The following ZFX variants were observed in gnomAD, a reference collection of about 807,000 sequenced individuals.
ZFX encodes zinc finger X-chromosomal protein.
For missense variants in ZFX, 362 were observed against 628.3 expected (o/e 0.58, Z 4.53); for synonymous variants, 196 against 226.8 (o/e 0.86, Z 1.22).
intron 5 of ZFX, among the ~76,000 whole-genome samples, chrX:24,194,106 T>C (rs1347130098): frequency 8.9e-6 from 1 of 111,859 alleles, no homozygotes; most frequent in Admixed American, 9.5e-5. Flanking sequence ...CCTAGCATGA[T>C]TTTTCAAGAT....
At chrX:24,189,127 G>A (rs1457056078) in intron 5 of ZFX, among the ~76,000 whole-genome samples, 12 of 112,153 alleles carry the variant, frequency 1.1e-4, no homozygotes, top group African/African-American at 3.9e-4. Flanking sequence ...GTGAGCCACC[G>A]CGCCTGGCCT....
chrX:24,179,485 G>A lies in ZFX; in HGVS notation c.361G>A (p.Asp121Asn). The A allele has an allele frequency of 8.2e-7, 1 of 1,212,235 alleles. No individual in the cohort carries two copies. The highest frequency in any genetic ancestry group is 1.1e-6 in the Non-Finnish European group (1 of 895,650). The change falls in exon 5 of 10, where the codon GAC becomes AAC. Residue 121 changes from aspartate to asparagine, a missense_variant. By Grantham distance (23) the Asp-to-Asn change is conservative. Coordinates refer to ENST00000304543, the MANE Select transcript of ZFX (RefSeq NM_003410.4). ...AGTCCCAGATGATGTTTTAGCTTCT[G>A]ACATTACTTCAGCCTCAATGTCTAT... ...CTVPDDVLASDITSASMSMPE... is the reference protein window; with the variant it reads ...CTVPDDVLASNITSASMSMPE...
intron 5 of ZFX, among the ~76,000 whole-genome samples, chrX:24,205,665 A>AG (rs1937544269): frequency 9.0e-6 from 1 of 110,795 alleles, no homozygotes; most frequent in Non-Finnish European, 1.9e-5. Flanking sequence ...GACCAGCCTG[A>AG]CCAACATGGC....
chrX:24,163,258 C>CTT (rs57785204), intron 3 of ZFX, among the ~76,000 whole-genome samples: 23 of 48,152 alleles, frequency 4.8e-4, no homozygotes, highest in Non-Finnish European at 7.7e-4. Context: ...CATGGATGTG[C>CTT]TTTTTTTTTT....
intron 5 of ZFX, among the ~76,000 whole-genome samples, chrX:24,192,035 C>T (rs1010838659): frequency 9.0e-6 from 1 of 111,704 alleles, no homozygotes; most frequent in African/African-American, 3.3e-5. Context: ...ACACAGGGAC[C>T]CTGAGGATGT....
At position 24,207,826 on chromosome X, in the gene ZFX, A is replaced by G. The variant is rs200720278; in HGVS notation, c.911A>G (p.Asn304Ser). ...GAAAAGATGGTTTATATGACTGTCA[A>G]TGACTCTCAGCCAGAAGATGAAGAT... ...PREKMVYMTVNDSQPEDEDLN... is the reference protein window; with the variant it reads ...PREKMVYMTVSDSQPEDEDLN... Residue 304 changes from asparagine to serine, a missense_variant, in exon 7 of 10, where the codon AAT becomes AGT. Physicochemically the swap from Asn to Ser is conservative, Grantham distance 46. Transcript: ENST00000304543. 3.4e-4 allele frequency: 409 copies of G among 1,209,622 alleles called. No individual in the cohort carries two copies. Among genetic ancestry groups the G allele is most frequent in the Middle Eastern group, 4.6e-4 (2 of 4,353 alleles).
At chrX:24,195,394 C>T (rs894012612) in intron 5 of ZFX, among the ~76,000 whole-genome samples, 2 of 106,290 alleles carry the variant, frequency 1.9e-5, no homozygotes, top group Non-Finnish European at 3.8e-5. Flanking sequence ...GCTCTGTTGC[C>T]CAGGCTGGAG....
chrX:24,202,096 G>T (rs1937336166), intron 5 of ZFX, among the ~76,000 whole-genome samples: 1 of 111,666 alleles, frequency 9.0e-6, no homozygotes, highest in South Asian at 3.7e-4. Flanking sequence ...CCTAAACCCA[G>T]CATAGCTACA....
At chrX:24,149,649 G>C (rs1308198523), upstream of ZFX, 1 of 110,729 alleles carries the variant, frequency 9.0e-6, no homozygotes. Context: ...CCGTGCCGGG[G>C]AGCTGGGCCG....
Position 24,172,698 on chromosome X carries a change from T to C in ZFX, c.-28-17T>C, listed in dbSNP as rs1458183099. 7.1e-6 allele frequency: 8 copies of C among 1,119,398 alleles called. No individual in the cohort carries two copies. In the African/African-American group the frequency reaches 9.2e-5, roughly 13 times the overall value. 92.3% of individuals were successfully genotyped at this position (1,119,398 alleles called of 1,213,427 possible). A position where few individuals can be genotyped will look rare whatever the true frequency, so the allele number is the denominator to read the frequency against. ...GAAAAAACTAATGGCTTTGGTTTAC[T>C]TTTTTCCCTGATTTAGGAGCTGTGA... On this transcript the variant is annotated splice_polypyrimidine_tract_variant and intron_variant, in intron 3 of 9. Transcript: ENST00000304543.
intron 4 of ZFX, chrX:24,173,566 T>C: frequency 8.8e-7 from 1 of 1,142,215 alleles, no homozygotes; most frequent in Non-Finnish European, 1.2e-6. Context: ...TATAACGTTG[T>C]AAAGTGGTTA....
rs1984496353 is a variant in ZFX, at chrX:24,179,757, C to T, written c.633C>T (p.Tyr211=). ...ATGACAAAGGCAACTGTGAGGACTA[C>T]CTTATGATTTCCTGTAAGTCTTGGG... is the stretch of plus-strand genomic sequence containing the variant. ...QDDDKGNCED[Y]LMISLDDAGK... is the part of the protein sequence containing the mutation. Residue 211 remains tyrosine (Y), a synonymous_variant, in exon 5 of 10, where the codon TAC becomes TAT. Transcript: ENST00000304543. 8.3e-7 allele frequency: 1 copy of T among 1,203,843 alleles called. No individual in the cohort carries two copies. The highest frequency in any genetic ancestry group is 1.1e-6 in the Non-Finnish European group (1 of 892,306).
chrX:24,177,683 G>A, intron 4 of ZFX: 1 of 751,323 alleles, frequency 1.3e-6, no homozygotes, highest in Non-Finnish European at 1.6e-6. Context: ...GTATGTCCTA[G>A]ATTCAGAGGA....
At chrX:24,168,329 G>A (rs954997079) in intron 3 of ZFX, among the ~76,000 whole-genome samples, 4 of 111,900 alleles carry the variant, frequency 3.6e-5, no homozygotes, top group African/African-American at 1.3e-4. Context: ...GAGGTTTTGG[G>A]AGACCTAAAG....
Position 24,206,590 on chromosome X carries a change from G to A in ZFX, c.647-736G>A, listed in dbSNP as rs1335129170. On this transcript the variant is annotated intron_variant, in intron 5 of 9. Transcript: ENST00000304543. ...TGGTAGAGATGGGGGTCTTGCCATG[G>A]TGCCCAGCCTGGTCTCAAACTCCTG... 3.9e-5 allele frequency among the ~76,000 whole-genome samples: 4 copies of A among 101,450 alleles called. No homozygotes were observed. In the East Asian group the frequency reaches 1.2e-3, roughly 31 times the overall value. The allele number at this position is 101,450 out of a possible 115,157, so 88.1% of individuals were successfully genotyped here.
chrX:24,200,974 C>G (rs978953070), intron 5 of ZFX, among the ~76,000 whole-genome samples: 1 of 112,215 alleles, frequency 8.9e-6, no homozygotes, highest in Non-Finnish European at 1.9e-5. Flanking sequence ...TTTGGAGAAG[C>G]CTTATTCTAA....
intron 5 of ZFX, among the ~76,000 whole-genome samples, chrX:24,189,551 A>G (rs1337144683): frequency 2.7e-5 from 3 of 112,433 alleles, no homozygotes; most frequent in South Asian, 7.3e-4. Flanking sequence ...TTAATGTATA[A>G]ACCCTGAGGG....
chrX:24,150,333 GGGC>G (rs1931900371), intron 1 of ZFX, among the ~76,000 whole-genome samples: 2 of 108,978 alleles, frequency 1.8e-5, no homozygotes, highest in East Asian at 5.9e-4. Context: ...GTGGGAGAGC[GGGC>G]GGCGGCGGCA....
At chrX:24,205,003 TAG>T (rs1210848811) in intron 5 of ZFX, among the ~76,000 whole-genome samples, 2 of 112,504 alleles carry the variant, frequency 1.8e-5, no homozygotes, top group African/African-American at 6.5e-5. Context: ...AATACCTGCC[TAG>T]AGTCTAATGT....
Sources: allele counts gnomAD v4.1 joint callset (sites outside exome capture counted in the v4.1 genomes callset), GRCh38; gene constraint gnomAD v4.1.1; transcripts MANE v1.5; gene names NCBI Gene and HGNC (gene_info 2026-07-23, HGNC 2026-07-21).